CRISPLD1: variants seen among roughly 807,000 people sequenced by gnomAD.
CRISPLD1 encodes cysteine rich secretory protein LCCL domain containing 1, also known as cysteine-rich secretory protein LCCL domain-containing 1.
CRISPLD1 carries 60 observed loss-of-function variants against 77.5 expected under a neutral mutation model. The ratio of observed to expected loss-of-function variants is 0.77; its 90% CI spans 0.63 to 0.96. The LOEUF (loss-of-function observed/expected upper bound fraction) is 0.96. Among genes scored for constraint, CRISPLD1 ranks in the 40% least tolerant of loss-of-function variants. The pLI is 0.00. For synonymous variants in CRISPLD1, 195 were observed against 200.1 expected (o/e 0.97, Z 0.22); for missense variants, 623 against 615.8 (o/e 1.01, Z -0.12).
At chr8:75,010,524 A>G (rs1489116369) in intron 2 of CRISPLD1, among the ~76,000 whole-genome samples, 2 of 152,138 alleles carry the variant, frequency 1.3e-5, no homozygotes, top group Non-Finnish European at 2.9e-5. Context: ...CTCTTCACTT[A>G]TTAATGCTCT....
rs756347982 is a variant in CRISPLD1 at position 75,029,435 on chromosome 8, C to T, written c.1369C>T (p.His457Tyr). 1.2e-6 allele frequency: 2 copies of T among 1,613,712 alleles called. No individual in the cohort carries two copies. The highest frequency in any genetic ancestry group is 1.7e-6 in the Non-Finnish European group (2 of 1,179,764). ...AAVHAGVVRN[H>Y]GGYVDVMPVD... Reference sequence around the variant, plus strand: ...AGTACATGCTGGAGTGGTTCGAAATCACGGTGGTTATGTTGATGTAATGCC... The same window carrying T: ...AGTACATGCTGGAGTGGTTCGAAATTACGGTGGTTATGTTGATGTAATGCC... Residue 457 changes from histidine to tyrosine, a missense_variant, in exon 14 of 15, where the codon CAC becomes TAC. Transcript: ENST00000262207.
chr8:75,030,722 GTGTC>G (rs982767035), intron 14 of CRISPLD1, among the ~76,000 whole-genome samples: 11 of 145,134 alleles, frequency 7.6e-5, no homozygotes, highest in Non-Finnish European at 1.7e-4. Flanking sequence ...GTATGTGTGT[GTGTC>G]TGTGTATATA....
chr8:75,034,357 TAAAG>T lies in CRISPLD1; in HGVS notation c.*2116_*2119del, dbSNP rs998970617. 6.6e-6 allele frequency: 1 copy of T among 152,076 alleles called. No homozygotes were observed. Among genetic ancestry groups the T allele is most frequent in the African/African-American group, 2.4e-5 (1 of 41,440 alleles). The allele number at this position is 152,076 out of a possible 1,614,324, so 9.4% of individuals were successfully genotyped here. On this transcript the variant is annotated 3_prime_UTR_variant, in exon 15 of 15. Transcript: ENST00000262207. ...ATTGACACATTATGTGTGATGTACT[TAAAG>T]GAATAATAAATGCATAATATGAGGT...
intron 2 of CRISPLD1, among the ~76,000 whole-genome samples, chr8:75,006,105 A>T (rs908056768): frequency 3.9e-5 from 6 of 151,972 alleles, no homozygotes; most frequent in Admixed American, 3.9e-4. Context: ...CCCAGTGCCT[A>T]TTATTTTCCT....
At chr8:75,029,646 C>A in intron 14 of CRISPLD1, 129 bp downstream of exon 14, 1 of 854,022 alleles carries the variant, frequency 1.2e-6, no homozygotes, top group Non-Finnish European at 1.8e-6. Flanking sequence ...CAGTGTGTTC[C>A]TTTGCACACT....
At chr8:75,008,185 G>A (rs1812867911) in intron 2 of CRISPLD1, among the ~76,000 whole-genome samples, 1 of 152,126 alleles carries the variant, frequency 6.6e-6, no homozygotes, top group East Asian at 1.9e-4. Flanking sequence ...AGATGTAGTT[G>A]GGAAATAGAG....
intron 2 of CRISPLD1, among the ~76,000 whole-genome samples, chr8:74,999,616 T>G (rs1812703848): frequency 1.3e-5 from 2 of 152,220 alleles, no homozygotes; most frequent in South Asian, 4.1e-4. Context: ...GTAGAAGGCT[T>G]TAGCCTTCCT....
chr8:75,030,803 CATATGT>C (rs1245899612), intron 14 of CRISPLD1, among the ~76,000 whole-genome samples: 150 of 150,014 alleles, frequency 1.0e-3, no homozygotes, highest in African/African-American at 3.6e-3. Context: ...TGTGAGTATG[CATATGT>C]GTATGTGTAT....
chr8:74,991,261 G>C (rs1016181720), intron 2 of CRISPLD1, among the ~76,000 whole-genome samples: 1 of 152,110 alleles, frequency 6.6e-6, no homozygotes, highest in Non-Finnish European at 1.5e-5. Context: ...CTCCTACAGT[G>C]CTGGCATTAC....
Position 75,019,755 on chromosome 8 carries a change from T to C in CRISPLD1, c.1128-115T>C, listed in dbSNP as rs891039533. The C allele has an allele frequency of 6.8e-6, 5 of 735,588 alleles. No homozygotes were observed. The Admixed American group carries it at 7.3e-5, about 11-fold the overall frequency. 45.6% of individuals were successfully genotyped at this position (735,588 alleles called of 1,614,324 possible). On this transcript the variant is annotated intron_variant, in intron 10 of 14. Coordinates refer to ENST00000262207, the MANE Select transcript of CRISPLD1 (RefSeq NM_031461.6). Reference sequence around the variant, plus strand: ...ATTCTTATATTGCTACTTGTCTATTTTAGTAAGTGTTTAAAAAGAAAATTA... The same window carrying C: ...ATTCTTATATTGCTACTTGTCTATTCTAGTAAGTGTTTAAAAAGAAAATTA...
At chr8:75,007,356 A>C (rs1812849582) in intron 2 of CRISPLD1, among the ~76,000 whole-genome samples, 1 of 152,142 alleles carries the variant, frequency 6.6e-6, no homozygotes, top group African/African-American at 2.4e-5. Context: ...GGTAAGCAAT[A>C]CTGCTGGCCT....
intron 13 of CRISPLD1, among the ~76,000 whole-genome samples, chr8:75,027,341 A>T (rs1415228291): frequency 1.3e-5 from 2 of 152,254 alleles, no homozygotes. Flanking sequence ...AGATTAATAA[A>T]TATATAGGAA....
intron 2 of CRISPLD1, among the ~76,000 whole-genome samples, chr8:74,991,771 C>A (rs762358399): frequency 1.5e-4 from 23 of 152,114 alleles, no homozygotes; most frequent in Non-Finnish European, 2.5e-4. Context: ...CTCAGGTGAT[C>A]CACCCACCTC....
At chr8:75,031,565 CTCTG>C (rs149772261) in intron 14 of CRISPLD1, among the ~76,000 whole-genome samples, 10,441 of 87,382 alleles carry the variant, frequency 0.12, 392 homozygotes, top group African/African-American at 0.21. Flanking sequence ...AGATTGAATG[CTCTG>C]TGTGTGTGTG....
At chr8:75,004,647 A>G (rs902826906) in intron 2 of CRISPLD1, among the ~76,000 whole-genome samples, 1 of 152,166 alleles carries the variant, frequency 6.6e-6, no homozygotes, top group African/African-American at 2.4e-5. Flanking sequence ...ATAGGAAAAC[A>G]CAAAAGATTT....
At chr8:74,989,227 C>T (rs1420566220) in intron 2 of CRISPLD1, among the ~76,000 whole-genome samples, 3 of 152,112 alleles carry the variant, frequency 2.0e-5, no homozygotes, top group Non-Finnish European at 4.4e-5. Context: ...GACCTTGTGG[C>T]AGAGTCAGGA....
chr8:75,016,415 C>T lies in CRISPLD1; in HGVS notation c.728-150C>T, dbSNP rs1813027548. 9.4e-6 allele frequency: 6 copies of T among 638,768 alleles called. No homozygotes were observed. In the South Asian group the frequency reaches 1.9e-4, roughly 20 times the overall value. The allele number at this position is 638,768 out of a possible 1,614,324, so 39.6% of individuals were successfully genotyped here. ...TTTATTCCACTGCAGTACCTAAGAT[C>T]ACCACCTTAAGCCAAAACCTGTGCA... On this transcript the variant is annotated intron_variant, in intron 6 of 14. Coordinates refer to ENST00000262207, the MANE Select transcript of CRISPLD1 (RefSeq NM_031461.6).
At chr8:75,017,542 T>C in intron 10 of CRISPLD1, 92 bp downstream of exon 10, 2 of 1,089,738 alleles carry the variant, frequency 1.8e-6, no homozygotes, top group South Asian at 1.9e-5. Flanking sequence ...TAGAATAATT[T>C]AAGAAGAAAG....
intron 13 of CRISPLD1, among the ~76,000 whole-genome samples, chr8:75,028,580 A>G (rs1218267623): frequency 1.3e-5 from 2 of 152,218 alleles, no homozygotes; most frequent in South Asian, 2.1e-4. Flanking sequence ...AGAAGATTTT[A>G]ATGGGCCAAA....
Sources: allele counts gnomAD v4.1 joint callset (sites outside exome capture counted in the v4.1 genomes callset), GRCh38; gene constraint gnomAD v4.1.1; transcripts MANE v1.5; gene names NCBI Gene and HGNC (gene_info 2026-07-23, HGNC 2026-07-21).